The following QTMAN variants were observed in gnomAD, a reference collection of about 807,000 sequenced individuals.
QTMAN encodes the protein queuosine-tRNA mannosyltransferase.
At chr2:144,286,940 A>T in the QTMAN span, among the ~76,000 whole-genome samples, 1 of 152,342 alleles carries the variant, frequency 6.6e-6, no homozygotes, top group East Asian at 1.9e-4. Flanking sequence ...AGAAGTGACA[A>T]ATTCTCCTTT....
the QTMAN span, among the ~76,000 whole-genome samples, chr2:144,141,023 T>C: frequency 1.4e-3 from 209 of 152,166 alleles, 2 homozygotes; most frequent in South Asian, 0.042. Context: ...CAGAAGTTAA[T>C]GCTGACCTCT....
chr2:144,228,807 A>C, the QTMAN span, among the ~76,000 whole-genome samples: 2 of 152,236 alleles, frequency 1.3e-5, no homozygotes, highest in African/African-American at 4.8e-5. Flanking sequence ...AAAAATACAA[A>C]ATTAGCCGGG....
chr2:144,317,900 T>C, the QTMAN span, among the ~76,000 whole-genome samples: 1 of 152,162 alleles, frequency 6.6e-6, no homozygotes, highest in Non-Finnish European at 1.5e-5. Flanking sequence ...TCTTATGAGA[T>C]GGCTCTCAAT....
the QTMAN span, among the ~76,000 whole-genome samples, chr2:144,308,269 C>T: frequency 2.7e-5 from 4 of 149,930 alleles, no homozygotes; most frequent in Admixed American, 6.7e-5. Flanking sequence ...CAGGTTCAAG[C>T]GATTCTCCTG....
At chr2:144,044,260 A>G in the QTMAN span, among the ~76,000 whole-genome samples, 3 of 152,214 alleles carry the variant, frequency 2.0e-5, no homozygotes, top group African/African-American at 7.2e-5. Context: ...ACATATATAT[A>G]TACACATAAG....
the QTMAN span, among the ~76,000 whole-genome samples, chr2:144,267,269 A>G: frequency 1.3e-5 from 2 of 152,236 alleles, no homozygotes; most frequent in Non-Finnish European, 2.9e-5. Context: ...TCAAAATGGA[A>G]TAAGTAAACG....
the QTMAN span, chr2:144,011,664 A>G: frequency 2.0e-6 from 2 of 976,486 alleles, no homozygotes; most frequent in South Asian, 9.5e-5. Flanking sequence ...AAAGGAAATA[A>G]TACCTTACTG....
At chr2:143,951,911 T>G in the QTMAN span, 28 of 755,668 alleles carry the variant, frequency 3.7e-5, no homozygotes, top group Middle Eastern at 9.6e-4. Flanking sequence ...TAATTAAATG[T>G]TTTTTTTTAA....
the QTMAN span, among the ~76,000 whole-genome samples, chr2:143,985,684 C>G: frequency 6.6e-6 from 1 of 152,132 alleles, no homozygotes; most frequent in Non-Finnish European, 1.5e-5. Flanking sequence ...GATTCAGTAT[C>G]ATGTGTATAT....
the QTMAN span, among the ~76,000 whole-genome samples, chr2:143,953,593 G>C: frequency 2.6e-5 from 4 of 151,788 alleles, no homozygotes; most frequent in African/African-American, 4.8e-5. Context: ...ACAGTAGAAG[G>C]GTTAAGCAGA....
chr2:144,101,158 G>C, the QTMAN span, among the ~76,000 whole-genome samples: 5 of 152,060 alleles, frequency 3.3e-5, no homozygotes, highest in East Asian at 9.6e-4. Context: ...TTGAGCCACC[G>C]TGCCCGGCCC....
the QTMAN span, among the ~76,000 whole-genome samples, chr2:144,200,270 C>T: frequency 1.3e-5 from 2 of 152,134 alleles, no homozygotes; most frequent in Non-Finnish European, 2.9e-5. Context: ...AAGCAAAATA[C>T]CTCTTTGGGC....
chr2:144,258,783 G>A, the QTMAN span, among the ~76,000 whole-genome samples: 1 of 152,000 alleles, frequency 6.6e-6, no homozygotes, highest in Non-Finnish European at 1.5e-5. Flanking sequence ...AAAAAATAAA[G>A]AAATGGAGAT....
chr2:144,215,898 G>A, the QTMAN span, among the ~76,000 whole-genome samples: 1 of 152,114 alleles, frequency 6.6e-6, no homozygotes, highest in Non-Finnish European at 1.5e-5. Context: ...AAATGGAAAT[G>A]TGACCATAAA....
the QTMAN span, among the ~76,000 whole-genome samples, chr2:144,156,344 T>C: frequency 6.6e-6 from 1 of 152,090 alleles, no homozygotes; most frequent in Non-Finnish European, 1.5e-5. Context: ...AATAATTAAT[T>C]ATAAACATCA....
At chr2:144,133,484 A>T in the QTMAN span, among the ~76,000 whole-genome samples, 1 of 76,072 alleles carries the variant, frequency 1.3e-5, no homozygotes, top group African/African-American at 5.2e-5. Context: ...TATAATATAT[A>T]AAATATATAT....
the QTMAN span, among the ~76,000 whole-genome samples, chr2:144,146,168 C>T: frequency 6.7e-6 from 1 of 149,200 alleles, no homozygotes; most frequent in South Asian, 2.2e-4. Context: ...AATGTATGAG[C>T]AGGAATGGCA....
At chr2:144,285,137 T>C in the QTMAN span, among the ~76,000 whole-genome samples, 1 of 151,808 alleles carries the variant, frequency 6.6e-6, no homozygotes, top group African/African-American at 2.4e-5. Context: ...AAAAAAAAAG[T>C]TGATTGGTAG....
chr2:144,072,778 A>G, the QTMAN span, among the ~76,000 whole-genome samples: 1 of 152,354 alleles, frequency 6.6e-6, no homozygotes, highest in Non-Finnish European at 1.5e-5. Flanking sequence ...GTCTGGCTTA[A>G]TAACAGGCTT....
Sources: allele counts gnomAD v4.1 joint callset (sites outside exome capture counted in the v4.1 genomes callset), GRCh38; gene constraint gnomAD v4.1.1; transcripts MANE v1.5; gene names NCBI Gene and HGNC (gene_info 2026-07-23, HGNC 2026-07-21).